GNG4: variants seen among roughly 807,000 people sequenced by gnomAD.
GNG4 encodes the protein G protein subunit gamma 4.
Under a neutral mutation model 5.8 loss-of-function variants are expected in GNG4, and 4 were observed. The ratio of observed to expected loss-of-function variants is 0.69; its 90% CI spans 0.34 to 1.57. GNG4 has a LOEUF of 1.57. GNG4 is among the 40% of genes most tolerant of loss of function. The probability of loss-of-function intolerance (pLI) is 0.06; values close to 1 mark genes in which losing one functional copy is unlikely to be tolerated. For missense variants in GNG4, 96 were observed against 95.1 expected (o/e 1.01, Z -0.04); for synonymous variants, 29 against 32.9 (o/e 0.88, Z 0.41).
At chr1:235,602,977 G>A (rs1296870165) in intron 1 of GNG4, among the ~76,000 whole-genome samples, 3 of 152,110 alleles carry the variant, frequency 2.0e-5, no homozygotes, top group African/African-American at 4.8e-5. Context: ...GGCCGGGTGC[G>A]GTTGCTCACA....
At chr1:235,557,675 T>G (rs1278400112) in intron 3 of GNG4, among the ~76,000 whole-genome samples, 1 of 152,162 alleles carries the variant, frequency 6.6e-6, no homozygotes, top group Non-Finnish European at 1.5e-5. Context: ...TTTAATTCTC[T>G]AGGAGCAACC....
At position 235,552,223 on chromosome 1, in the gene GNG4, A is replaced by C. The variant is rs14326; in HGVS notation, c.114T>G (p.Ala38=). 1.4e-4 allele frequency: 224 copies of C among 1,613,732 alleles called. 1 individual carries two copies. The Admixed American group carries it at 3.7e-3, about 26-fold the overall frequency. Residue 38 remains alanine, a synonymous_variant, in exon 4 of 4, where the codon GCT becomes GCG. Coordinates refer to ENST00000391854, the MANE Select transcript of GNG4 (RefSeq NM_001098722.2). ...CTTCACAGTAGGCCAGGAGGTCCGC[A>C]GCTGCCTGGGAGACCTGTGAGGGCA... ...CMDRVKVSQA[A]ADLLAYCEAH... is the part of the protein sequence containing the mutation.
intron 3 of GNG4, among the ~76,000 whole-genome samples, chr1:235,571,527 G>A (rs1687344174): frequency 6.6e-6 from 1 of 152,220 alleles, no homozygotes; most frequent in African/African-American, 2.4e-5. Context: ...ATGGCATAAT[G>A]AATGGTGTTT....
Position 235,606,469 on chromosome 1 carries a change from T to C in GNG4, c.-122-10958A>G, listed in dbSNP as rs375793219. ...TAGGGAGACGGGGTGGAGAGCCAGG[T>C]GGTGAGGGTGGAAGAGCCAGGGGAT... On this transcript the variant is annotated intron_variant, in intron 1 of 3. Transcript: ENST00000391854. Among the ~76,000 whole-genome samples, 8 of 151,524 alleles carry C rather than the reference T, an allele frequency of 5.3e-5. No individual in the cohort carries two copies. In the East Asian group the frequency reaches 1.4e-3, roughly 26 times the overall value.
At chr1:235,587,692 T>TA (rs1687845571) in intron 2 of GNG4, among the ~76,000 whole-genome samples, 1 of 39,594 alleles carries the variant, frequency 2.5e-5, no homozygotes, top group African/African-American at 9.7e-5. Flanking sequence ...TGTGCGAGTG[T>TA]TGGGTGTCTG....
At position 235,626,998 on chromosome 1, in the gene GNG4, A is replaced by G. The variant is rs531372691; in HGVS notation, c.-123+22664T>C. On this transcript the variant is annotated intron_variant, in intron 1 of 3. Transcript: ENST00000391854. ...AAAAAAAAAAAAAAAAAAAAAAAAA[A>G]AGAACTTAGAACCCAAATTAGAGAC... 1.4e-4 allele frequency among the ~76,000 whole-genome samples: 19 copies of G among 133,654 alleles called. 2 individuals carry two copies. In the South Asian group the frequency reaches 4.2e-3, roughly 30 times the overall value. The allele number at this position is 133,654 out of a possible 152,430, so 87.7% of individuals were successfully genotyped here. A position where few individuals can be genotyped will look rare whatever the true frequency, so the allele number is the denominator to read the frequency against.
At chr1:235,636,296 CCTT>C (rs2102985848) in intron 1 of GNG4, among the ~76,000 whole-genome samples, 1 of 152,320 alleles carries the variant, frequency 6.6e-6, no homozygotes, top group East Asian at 1.9e-4. Flanking sequence ...GTTCAGAAAG[CCTT>C]CTTCAGGAAC....
chr1:235,596,209 TACACAC>T (rs59527448), intron 1 of GNG4, among the ~76,000 whole-genome samples: 6,639 of 133,504 alleles, frequency 0.05, 421 homozygotes, highest in African/African-American at 0.15. Flanking sequence ...ACAAACAAAA[TACACAC>T]ACACACACAC....
chr1:235,635,885 T>C (rs186572043), intron 1 of GNG4, among the ~76,000 whole-genome samples: 1 of 152,368 alleles, frequency 6.6e-6, no homozygotes, highest in East Asian at 1.9e-4. Context: ...ACAGGTTTCC[T>C]GGGTTGTGCA....
intron 3 of GNG4, among the ~76,000 whole-genome samples, chr1:235,566,385 G>A (rs1282684939): frequency 2.6e-5 from 4 of 152,154 alleles, no homozygotes; most frequent in African/African-American, 4.8e-5. Context: ...TGTCAACTGC[G>A]CATGCAAGGA....
At chr1:235,602,224 A>G (rs1433939638) in intron 1 of GNG4, among the ~76,000 whole-genome samples, 1 of 152,086 alleles carries the variant, frequency 6.6e-6, no homozygotes, top group Non-Finnish European at 1.5e-5. Context: ...GTGAGCTGAG[A>G]TCGCGCCATT....
intron 1 of GNG4, among the ~76,000 whole-genome samples, chr1:235,599,403 G>A (rs945921134): frequency 1.3e-5 from 2 of 150,260 alleles, no homozygotes; most frequent in Non-Finnish European, 3.0e-5. Context: ...TGCAACCGCC[G>A]CCTCCCGGGT....
At chr1:235,625,752 C>T (rs58577934) in intron 1 of GNG4, among the ~76,000 whole-genome samples, 8,044 of 152,254 alleles carry the variant, frequency 0.053, 446 homozygotes, top group African/African-American at 0.14. Flanking sequence ...TATGTTGTGT[C>T]ATGACTTGAT....
rs1036891168 is a variant in GNG4 at position 235,642,051 on chromosome 1, C to T, written c.-123+7611G>A. On this transcript the variant is annotated intron_variant, in intron 1 of 3. Coordinates refer to ENST00000391854, the MANE Select transcript of GNG4 (RefSeq NM_001098722.2). This position sits in a 1 kb window ranked among gnomAD's most constrained non-coding sequence, Gnocchi z 4.3. ...CCCGCAACTGCCTGCGTTTTCGTAG[C>T]CCTAGAGCTTCCAACGTACAGTGCG... Among the ~76,000 whole-genome samples the T allele has an allele frequency of 6.6e-6, 1 of 152,210 alleles. No homozygotes were observed. Among genetic ancestry groups the T allele is most frequent in the African/African-American group, 2.4e-5 (1 of 41,442 alleles).
At chr1:235,584,656 C>A (rs1443651208) in intron 2 of GNG4, among the ~76,000 whole-genome samples, 1 of 122,894 alleles carries the variant, frequency 8.1e-6, no homozygotes, top group Non-Finnish European at 1.7e-5. Flanking sequence ...TGTAGTGCTA[C>A]CTGTTTCACA....
intron 3 of GNG4, among the ~76,000 whole-genome samples, chr1:235,577,749 T>C (rs1687523936): frequency 6.6e-6 from 1 of 152,124 alleles, no homozygotes; most frequent in Non-Finnish European, 1.5e-5. Flanking sequence ...CATCTCAGTG[T>C]TGTCATCTGG....
At chr1:235,593,777 G>C (rs1282795018) in intron 2 of GNG4, among the ~76,000 whole-genome samples, 1 of 152,112 alleles carries the variant, frequency 6.6e-6, no homozygotes, top group African/African-American at 2.4e-5. Flanking sequence ...CCTCCCAGTG[G>C]GTTTGTGGTC....
At chr1:235,631,337 C>CCT (rs1403832923) in intron 1 of GNG4, among the ~76,000 whole-genome samples, 2 of 152,162 alleles carry the variant, frequency 1.3e-5, no homozygotes, top group Non-Finnish European at 2.9e-5. Flanking sequence ...AATGAATCAC[C>CCT]CTCTGCTCGG....
intron 1 of GNG4, among the ~76,000 whole-genome samples, chr1:235,609,160 C>T (rs768653541): frequency 1.3e-5 from 2 of 152,128 alleles, no homozygotes; most frequent in African/African-American, 4.8e-5. Context: ...GTAATGTTTT[C>T]AGGATTCATG....
Sources: gnomAD v4.1 joint callset for allele counts (sites outside exome capture counted in the v4.1 genomes callset) on GRCh38, gnomAD v4.1.1 for gene constraint, Gnocchi (gnomAD v3.1) non-coding constraint, MANE v1.5 for transcripts, NCBI Gene and HGNC (gene_info 2026-07-23, HGNC 2026-07-21) for gene names.